The following KCNIP4 variants were observed in gnomAD, a reference collection of about 807,000 sequenced individuals.
KCNIP4 encodes potassium voltage-gated channel interacting protein 4, also known as Kv channel-interacting protein 4.
Under a neutral mutation model 34.0 loss-of-function variants are expected in KCNIP4, and 12 were observed. The ratio of observed to expected loss-of-function variants is 0.35; its 90% CI spans 0.23 to 0.57. The LOEUF (loss-of-function observed/expected upper bound fraction) is 0.57. KCNIP4 is among the 20% of genes least tolerant of loss of function. The pLI is 0.83. For missense variants in KCNIP4, 238 were observed against 311.7 expected (o/e 0.76, Z 1.78); for synonymous variants, 124 against 102.2 (o/e 1.21, Z -1.29).
rs143661375 is a variant in KCNIP4, at chr4:21,638,710, G to T, written c.61+309861C>A. On this transcript the variant is annotated intron_variant, in intron 1 of 8. Coordinates refer to ENST00000382152, the MANE Select transcript of KCNIP4 (RefSeq NM_025221.6). ...GCCAAATAAATCTGCTGCAAAGAAT[G>T]TTGCACATTTCATTAAAAATGCTCC... is the stretch of plus-strand genomic sequence containing the variant. Among the ~76,000 whole-genome samples the T allele has an allele frequency of 2.4e-4, 37 of 152,264 alleles. 1 individual carries two copies. Among genetic ancestry groups the T allele is most frequent in the African/African-American group, 8.7e-4 (36 of 41,558 alleles).
intron 1 of KCNIP4, among the ~76,000 whole-genome samples, chr4:21,281,252 A>G (rs572171034): frequency 6.6e-6 from 1 of 151,918 alleles, no homozygotes; most frequent in Admixed American, 6.5e-5. Flanking sequence ...ACGCCCAGCT[A>G]ATTTTTGTAT....
intron 1 of KCNIP4, among the ~76,000 whole-genome samples, chr4:21,103,407 A>T (rs1748139260): frequency 6.8e-6 from 1 of 147,510 alleles, no homozygotes; most frequent in South Asian, 2.1e-4. Context: ...CAATATCTAA[A>T]TAGACTGGTT....
intron 1 of KCNIP4, chr4:21,697,416 A>C: frequency 6.4e-7 from 1 of 1,564,750 alleles, no homozygotes; most frequent in Non-Finnish European, 8.6e-7. Flanking sequence ...TCACGTTTAC[A>C]CCGCTTTCTA....
intron 1 of KCNIP4, among the ~76,000 whole-genome samples, chr4:21,704,882 T>A (rs1713146222): frequency 1.3e-5 from 2 of 152,208 alleles, no homozygotes; most frequent in African/African-American, 2.4e-5. Flanking sequence ...CCCAGAGAAA[T>A]AAAAATTTAT....
chr4:20,982,432 C>T (rs1157961440), intron 1 of KCNIP4, among the ~76,000 whole-genome samples: 2 of 152,160 alleles, frequency 1.3e-5, no homozygotes, highest in Non-Finnish European at 1.5e-5. Context: ...AATTGTGTAA[C>T]ATTGGAGAAA....
At chr4:21,129,014 T>G (rs1750843249) in intron 1 of KCNIP4, among the ~76,000 whole-genome samples, 1 of 152,214 alleles carries the variant, frequency 6.6e-6, no homozygotes, top group African/African-American at 2.4e-5. Context: ...ACTACCCATA[T>G]CTCACCTTGA....
At chr4:20,792,143 G>A (rs777574412) in intron 3 of KCNIP4, among the ~76,000 whole-genome samples, 2 of 152,174 alleles carry the variant, frequency 1.3e-5, no homozygotes, top group Non-Finnish European at 2.9e-5. Flanking sequence ...AGAAGCTGAG[G>A]CAGGCGGATC....
chr4:21,152,935 A>G lies in KCNIP4; in HGVS notation c.62-270226T>C, dbSNP rs150848868. 2.1e-3 allele frequency among the ~76,000 whole-genome samples: 316 copies of G among 152,284 alleles called. 3 individuals are homozygous for G. The highest frequency in any genetic ancestry group is 0.017 in the East Asian group (90 of 5,178). ...TGTCTGTGGAAAAATTGTCTTTTCC[A>G]CAAAACTGGTCCCTGGTGCCAAAAG... On this transcript the variant is annotated intron_variant, in intron 1 of 8. Coordinates refer to ENST00000382152, the MANE Select transcript of KCNIP4 (RefSeq NM_025221.6).
chr4:21,122,318 C>T (rs1978739), intron 1 of KCNIP4, among the ~76,000 whole-genome samples: 65,245 of 148,556 alleles, frequency 0.44, 15,381 homozygotes, highest in African/African-American at 0.63. Context: ...GCAGATCAAG[C>T]TTTTCTTTTT....
At chr4:21,266,048 C>CTT (rs1761785647) in intron 1 of KCNIP4, among the ~76,000 whole-genome samples, 1 of 152,188 alleles carries the variant, frequency 6.6e-6, no homozygotes, top group South Asian at 2.1e-4. Flanking sequence ...TAGGTACTAT[C>CTT]AGTCCCATTT....
At chr4:20,822,272 T>C (rs13129223) in intron 3 of KCNIP4, among the ~76,000 whole-genome samples, 9,252 of 151,918 alleles carry the variant, frequency 0.061, 433 homozygotes, top group South Asian at 0.22. Context: ...AATAGACAAT[T>C]CTCAAAAGAA....
intron 2 of KCNIP4, among the ~76,000 whole-genome samples, chr4:20,857,341 G>A (rs981823133): frequency 1.3e-5 from 2 of 152,278 alleles, no homozygotes; most frequent in East Asian, 1.9e-4. Flanking sequence ...CACCTTGTAA[G>A]AGCCTGTATT....
chr4:20,938,623 A>C (rs1206927051), intron 1 of KCNIP4, among the ~76,000 whole-genome samples: 1 of 152,194 alleles, frequency 6.6e-6, no homozygotes, highest in Non-Finnish European at 1.5e-5. Context: ...TAAACTGCCT[A>C]GACTGAGCCC....
At chr4:21,130,708 A>G (rs1751001598) in intron 1 of KCNIP4, among the ~76,000 whole-genome samples, 1 of 152,232 alleles carries the variant, frequency 6.6e-6, no homozygotes. Flanking sequence ...GCTGTTTACA[A>G]ATTTGCCCTA....
intron 1 of KCNIP4, among the ~76,000 whole-genome samples, chr4:21,095,623 G>T (rs1159701017): frequency 6.6e-6 from 1 of 151,506 alleles, no homozygotes; most frequent in African/African-American, 2.4e-5. Flanking sequence ...CAAATGCTAT[G>T]TTTCATTAGT....
chr4:21,881,656 T>C (rs1726469634), intron 1 of KCNIP4, among the ~76,000 whole-genome samples: 1 of 152,152 alleles, frequency 6.6e-6, no homozygotes, highest in African/African-American at 2.4e-5. Context: ...CAGTAGTATA[T>C]CTGGGTTTGT....
intron 3 of KCNIP4, among the ~76,000 whole-genome samples, chr4:20,802,002 T>C (rs541828606): frequency 2.1e-4 from 32 of 151,626 alleles, no homozygotes; most frequent in Non-Finnish European, 3.5e-4. Flanking sequence ...AAATCAGACT[T>C]CAATTAAAAA....
intron 1 of KCNIP4, among the ~76,000 whole-genome samples, chr4:21,123,565 A>C (rs1193848041): frequency 2.0e-5 from 3 of 152,236 alleles, no homozygotes; most frequent in African/African-American, 7.2e-5. Flanking sequence ...TTAAAACAGA[A>C]ATTTAAAACA....
intron 3 of KCNIP4, among the ~76,000 whole-genome samples, chr4:20,787,502 C>A (rs759046499): frequency 1.3e-5 from 2 of 151,762 alleles, no homozygotes; most frequent in Non-Finnish European, 2.9e-5. Context: ...TTATTTTTGG[C>A]GCTATTAAAA....
Sources: gnomAD v4.1 joint callset for allele counts (sites outside exome capture counted in the v4.1 genomes callset) on GRCh38, gnomAD v4.1.1 for gene constraint, MANE v1.5 for transcripts, NCBI Gene and HGNC (gene_info 2026-07-23, HGNC 2026-07-21) for gene names.